Variants in PIEZO2 observed in about 807,000 individuals in gnomAD.
PIEZO2 encodes the protein piezo type mechanosensitive ion channel component 2.
In PIEZO2, 172 loss-of-function variants were observed where a neutral mutation model predicts 337.3. The observed-to-expected ratio is 0.51, with a 90% CI of 0.45 to 0.58. The LOEUF (loss-of-function observed/expected upper bound fraction) is 0.58. PIEZO2 is among the 20% of genes least tolerant of loss of function. PIEZO2 has a pLI of 0.00. For missense variants in PIEZO2, 3,028 were observed against 3,391.3 expected, an observed-to-expected ratio of 0.89 and a Z score of 2.66; for synonymous variants, 1,251 against 1,228.5, an observed-to-expected ratio of 1.02 and a Z score of -0.38.
chr18:11,057,047 G>T (rs535602734), intron 2 of PIEZO2, among the ~76,000 whole-genome samples: 5 of 151,916 alleles, frequency 3.3e-5, no homozygotes, highest in Admixed American at 6.6e-5. Flanking sequence ...GACTAGCTTG[G>T]GATGTTCACA....
In PIEZO2 at chr18:10,781,072, T is replaced by C. The variant is rs2038965172; in HGVS notation, c.2493-706A>G. 6.6e-6 allele frequency among the ~76,000 whole-genome samples: 1 copy of C among 151,930 alleles called. No individual in the cohort carries two copies. Among genetic ancestry groups the C allele is most frequent in the Non-Finnish European group, 1.5e-5 (1 of 67,978 alleles). On this transcript the variant is annotated intron_variant, in intron 17 of 55. Transcript: ENST00000674853. The surrounding 1 kb of genome is among the most constrained non-coding windows in gnomAD (Gnocchi z 4.1). ...CTCAGCGGCCATATTCAACATGTTGTTTTCTAAGGTTTTGCTAAAACTATA... is the reference window on the plus strand; with the variant it reads ...CTCAGCGGCCATATTCAACATGTTGCTTTCTAAGGTTTTGCTAAAACTATA...
chr18:10,851,662 G>A (rs1467433751), intron 7 of PIEZO2, among the ~76,000 whole-genome samples: 1 of 152,060 alleles, frequency 6.6e-6, no homozygotes, highest in East Asian at 1.9e-4. Context: ...ATTTTTAAAT[G>A]GTTGGGGAAA....
In PIEZO2 at chr18:10,782,081, T is replaced by C. The variant is rs545495882; in HGVS notation, c.2493-1715A>G. 2.1e-5 allele frequency among the ~76,000 whole-genome samples: 3 copies of C among 146,176 alleles called. No individual in the cohort carries two copies. The South Asian group carries it at 6.3e-4, about 31-fold the overall frequency. ...AAGAGTTGCTAAAAATATATATATATATTTAAACTTTGAACATTATATATA... is the reference window on the plus strand; with the variant it reads ...AAGAGTTGCTAAAAATATATATATACATTTAAACTTTGAACATTATATATA... On this transcript the variant is annotated intron_variant, in intron 17 of 55. Transcript: ENST00000674853.
chr18:10,796,138 G>T (rs2039586737), intron 12 of PIEZO2, among the ~76,000 whole-genome samples: 1 of 152,054 alleles, frequency 6.6e-6, no homozygotes, highest in Non-Finnish European at 1.5e-5. Flanking sequence ...GCCGAGGCGG[G>T]CGGATCATGA....
chr18:10,916,711 GC>G (rs756943227), intron 3 of PIEZO2, among the ~76,000 whole-genome samples: 33 of 152,274 alleles, frequency 2.2e-4, no homozygotes, highest in Non-Finnish European at 4.1e-4. Flanking sequence ...GCCTCGGCCA[GC>G]CCAGAGACGC....
At chr18:11,124,322 A>G (rs1242135165) in intron 1 of PIEZO2, among the ~76,000 whole-genome samples, 2 of 152,208 alleles carry the variant, frequency 1.3e-5, no homozygotes. Context: ...AAAGACCCAA[A>G]AGGAATGAAG....
At position 10,980,267 on chromosome 18, in the gene PIEZO2, C is replaced by T. The variant is rs2034615102; in HGVS notation, c.161-607G>A. Among the ~76,000 whole-genome samples, 1 of 151,940 alleles carries T rather than the reference C, an allele frequency of 6.6e-6. No homozygotes were observed. Among genetic ancestry groups the T allele is most frequent in the Non-Finnish European group, 1.5e-5 (1 of 67,978 alleles). ...TTAACAAATCAATAAGTATAATTCA[C>T]ACACTAGTGGGTTGCTATCATGGTT... On this transcript the variant is annotated intron_variant, in intron 2 of 55. Transcript: ENST00000674853. The surrounding 1 kb of genome is among the most constrained non-coding windows in gnomAD (Gnocchi z 4.8).
chr18:11,073,295 T>A (rs547306326), intron 1 of PIEZO2, among the ~76,000 whole-genome samples: 4 of 152,326 alleles, frequency 2.6e-5, no homozygotes, highest in African/African-American at 9.6e-5. Context: ...GGGCTGTAGC[T>A]AGAGCCTCAC....
Position 11,116,740 on chromosome 18 carries a change from C to A in PIEZO2, c.64+31785G>T, listed in dbSNP as rs1012423285. On this transcript the variant is annotated intron_variant, in intron 1 of 55. Coordinates refer to ENST00000674853, the MANE Select transcript of PIEZO2 (RefSeq NM_001378183.1). The surrounding 1 kb of genome is among the most constrained non-coding windows in gnomAD (Gnocchi z 5.0). ...AAAAAAAACAAAGAAAAAAAAAAAT[C>A]ATTCCATTTATCTACTGAATGTTAC... Among the ~76,000 whole-genome samples, 2 of 151,208 alleles carry A rather than the reference C, an allele frequency of 1.3e-5. No homozygotes were observed. Among genetic ancestry groups the A allele is most frequent in the African/African-American group, 4.9e-5 (2 of 40,998 alleles).
intron 3 of PIEZO2, among the ~76,000 whole-genome samples, chr18:10,964,366 A>G (rs1301712726): frequency 2.0e-5 from 3 of 152,220 alleles, no homozygotes; most frequent in Non-Finnish European, 4.4e-5. Flanking sequence ...ATTAACAAAA[A>G]TCTGTTCTTA....
At chr18:10,999,459 T>A (rs2035456083) in intron 2 of PIEZO2, among the ~76,000 whole-genome samples, 1 of 152,194 alleles carries the variant, frequency 6.6e-6, no homozygotes, top group Non-Finnish European at 1.5e-5. Context: ...TTCACAGACC[T>A]TTTCTTTTCT....
intron 10 of PIEZO2, 127 bp downstream of exon 10, chr18:10,801,263 G>T: frequency 2.8e-6 from 2 of 709,706 alleles, no homozygotes; most frequent in Non-Finnish European, 4.4e-6. Context: ...TATAATTTAT[G>T]CCCAAAAATG....
intron 7 of PIEZO2, among the ~76,000 whole-genome samples, chr18:10,848,406 ATTG>A (rs746387551): frequency 1.3e-5 from 2 of 152,196 alleles, no homozygotes; most frequent in Non-Finnish European, 2.9e-5. Context: ...CTTATTTTAC[ATTG>A]TTTTAACATT....
chr18:10,892,492 C>T (rs890016758), intron 4 of PIEZO2, among the ~76,000 whole-genome samples: 1 of 152,152 alleles, frequency 6.6e-6, no homozygotes, highest in Non-Finnish European at 1.5e-5. Flanking sequence ...GGGAGGTTGA[C>T]TGCCGAGGGC....
At position 10,953,891 on chromosome 18, in the gene PIEZO2, A is replaced by T. The variant is rs1163283557; in HGVS notation, c.286+25644T>A. ...ACAGGGTGCCCCTGGTTACTATGTG[A>T]GGACGATACTGCCTTGTTTTAATGA... On this transcript the variant is annotated intron_variant, in intron 3 of 55. Transcript: ENST00000674853. This position sits in a 1 kb window ranked among gnomAD's most constrained non-coding sequence, Gnocchi z 5.2. 6.6e-6 allele frequency among the ~76,000 whole-genome samples: 1 copy of T among 152,188 alleles called. No individual in the cohort carries two copies. The highest frequency in any genetic ancestry group is 1.9e-4 in the East Asian group (1 of 5,194).
chr18:10,798,411 C>T (rs1169700917), intron 11 of PIEZO2, among the ~76,000 whole-genome samples: 4 of 152,164 alleles, frequency 2.6e-5, no homozygotes, highest in African/African-American at 7.2e-5. Context: ...TGCAATGAGA[C>T]GATGGTGTGT....
At chr18:10,816,341 A>C (rs1265287734) in intron 7 of PIEZO2, among the ~76,000 whole-genome samples, 2 of 152,182 alleles carry the variant, frequency 1.3e-5, no homozygotes, top group Non-Finnish European at 2.9e-5. Flanking sequence ...TCAGAGCCTA[A>C]ATATTGTTTC....
chr18:10,705,791 A>G (rs915321087), intron 40 of PIEZO2, 45 bp from the exon 41 acceptor site: 1 of 1,469,490 alleles, frequency 6.8e-7, no homozygotes, highest in Non-Finnish European at 9.0e-7. Context: ...CTTAGCATCC[A>G]CACTCCTGGG....
chr18:10,913,201 T>G (rs1405678401), intron 3 of PIEZO2, among the ~76,000 whole-genome samples: 1 of 152,188 alleles, frequency 6.6e-6, no homozygotes, highest in African/African-American at 2.4e-5. Flanking sequence ...GATGTGTAAT[T>G]CTCAGACAAT....
Sources: allele counts gnomAD v4.1 joint callset (sites outside exome capture counted in the v4.1 genomes callset), GRCh38; gene constraint gnomAD v4.1.1; non-coding constraint Gnocchi (gnomAD v3.1); transcripts MANE v1.5; gene names NCBI Gene and HGNC (gene_info 2026-07-23, HGNC 2026-07-21).